Variants in PTN observed in about 807,000 individuals in gnomAD.
The protein encoded by PTN is heparin affin regulatory protein.
A neutral mutation model predicts 24.1 loss-of-function variants in PTN; 18 were observed. That is an observed-to-expected ratio of 0.75 (90% CI 0.52 to 1.11). The LOEUF is 1.11. Ranked by LOEUF, PTN falls within the 50% of genes least tolerant of loss-of-function variation. The pLI, the probability that PTN is intolerant of heterozygous loss-of-function variation, is 0.00. For synonymous variants in PTN, 78 were observed against 68.6 expected, an observed-to-expected ratio of 1.14 and a Z score of -0.67; for missense variants, 163 against 198.8, an observed-to-expected ratio of 0.82 and a Z score of 1.08.
intron 1 of PTN, among the ~76,000 whole-genome samples, chr7:137,300,444 G>C (rs942010800): frequency 1.8e-4 from 28 of 151,964 alleles, no homozygotes; most frequent in African/African-American, 6.5e-4. Flanking sequence ...AAAGATCACA[G>C]CCTGGTGGAA....
chr7:137,331,198 G>A (rs551586789), intron 1 of PTN, among the ~76,000 whole-genome samples: 1 of 152,110 alleles, frequency 6.6e-6, no homozygotes, highest in African/African-American at 2.4e-5. Flanking sequence ...TTTAGGAAAT[G>A]TGGATCTGTC....
Position 137,263,229 on chromosome 7 carries a change from G to A in PTN, c.-1-8255C>T, listed in dbSNP as rs1809075028. ...TACTATTATAACTCTTATTATAAGA[G>A]TTTTAAATTTTCTTAGTGCTGGGAA... On this transcript the variant is annotated intron_variant, in intron 1 of 4. Transcript: ENST00000348225. Among the ~76,000 whole-genome samples, 3 of 152,152 alleles carry A rather than the reference G, an allele frequency of 2.0e-5. No individual in the cohort carries two copies. The South Asian group carries it at 6.2e-4, about 32-fold the overall frequency.
intron 1 of PTN, among the ~76,000 whole-genome samples, chr7:137,274,886 G>A (rs2128874945): frequency 6.6e-6 from 1 of 152,238 alleles, no homozygotes; most frequent in South Asian, 2.1e-4. Context: ...AAAGAGAAAA[G>A]GTTTTGAAGT....
chr7:137,310,390 G>GTTTTTTTTTTTTTTTTTTT (rs36009703), intron 1 of PTN, among the ~76,000 whole-genome samples: 1 of 137,204 alleles, frequency 7.3e-6, no homozygotes, highest in Admixed American at 7.3e-5. Context: ...AAGTTACCAT[G>GTTTTTTTTTTTTTTTTTTT]TTTTTTTTTT....
At chr7:137,307,843 T>TACC (rs1040670842) in intron 1 of PTN, among the ~76,000 whole-genome samples, 5 of 152,150 alleles carry the variant, frequency 3.3e-5, no homozygotes, top group African/African-American at 7.2e-5. Flanking sequence ...AGGCAGAATG[T>TACC]ACCCTTGTAC....
At chr7:137,320,662 G>A (rs1018049569) in intron 1 of PTN, among the ~76,000 whole-genome samples, 5 of 152,050 alleles carry the variant, frequency 3.3e-5, no homozygotes, top group East Asian at 1.9e-4. Flanking sequence ...TTCCAAATAC[G>A]GAATAGAGAA....
At chr7:137,292,521 C>G (rs536795703) in intron 1 of PTN, among the ~76,000 whole-genome samples, 1 of 152,172 alleles carries the variant, frequency 6.6e-6, no homozygotes, top group Admixed American at 6.5e-5. Flanking sequence ...GCTCTTCCTT[C>G]GTCTTCTGCC....
chr7:137,327,661 T>C (rs1810284866), intron 1 of PTN, among the ~76,000 whole-genome samples: 1 of 152,138 alleles, frequency 6.6e-6, no homozygotes. Context: ...TCCTATCCTT[T>C]ATATGCAGCC....
chr7:137,282,729 C>G (rs1001448583), intron 1 of PTN, among the ~76,000 whole-genome samples: 2 of 152,130 alleles, frequency 1.3e-5, no homozygotes, highest in Non-Finnish European at 2.9e-5. Context: ...ATTTAAAAGT[C>G]ATCTTTAGAT....
At chr7:137,258,562 A>G (rs1235507917) in intron 1 of PTN, among the ~76,000 whole-genome samples, 2 of 152,246 alleles carry the variant, frequency 1.3e-5, no homozygotes, top group East Asian at 3.9e-4. Flanking sequence ...AGAGAAAATG[A>G]ATAAAGGTTA....
chr7:137,267,500 G>A (rs1809176585), intron 1 of PTN, among the ~76,000 whole-genome samples: 1 of 152,132 alleles, frequency 6.6e-6, no homozygotes, highest in African/African-American at 2.4e-5. Flanking sequence ...TGAAACAAGG[G>A]ACCTGTCTAG....
chr7:137,322,485 T>C (rs934470884), intron 1 of PTN, among the ~76,000 whole-genome samples: 2 of 152,226 alleles, frequency 1.3e-5, no homozygotes, highest in African/African-American at 4.8e-5. Context: ...AAACTGACCT[T>C]GTTTTAAGAT....
intron 1 of PTN, among the ~76,000 whole-genome samples, chr7:137,325,142 G>A (rs574107308): frequency 1.3e-5 from 2 of 152,230 alleles, no homozygotes; most frequent in East Asian, 3.9e-4. Flanking sequence ...TCTGAATCTG[G>A]AACAACATTA....
At chr7:137,285,229 C>A (rs1416045010) in intron 1 of PTN, among the ~76,000 whole-genome samples, 1 of 152,116 alleles carries the variant, frequency 6.6e-6, no homozygotes, top group African/African-American at 2.4e-5. Flanking sequence ...GAATTCCTAG[C>A]AACTCATGCA....
At chr7:137,291,781 A>G (rs930811177) in intron 1 of PTN, among the ~76,000 whole-genome samples, 1 of 152,138 alleles carries the variant, frequency 6.6e-6, no homozygotes, top group African/African-American at 2.4e-5. Flanking sequence ...TTTCTCCTTC[A>G]TATACTATGA....
At chr7:137,318,398 C>T (rs1231735814) in intron 1 of PTN, among the ~76,000 whole-genome samples, 2 of 152,214 alleles carry the variant, frequency 1.3e-5, no homozygotes, top group Admixed American at 1.3e-4. Flanking sequence ...ATTCCAGAGA[C>T]TTCAGAGCAG....
At chr7:137,233,032 G>A (rs1489419901) in intron 4 of PTN, among the ~76,000 whole-genome samples, 1 of 151,912 alleles carries the variant, frequency 6.6e-6, no homozygotes, top group Non-Finnish European at 1.5e-5. Flanking sequence ...ATAGCAGCAC[G>A]AGAATGGGCT....
At chr7:137,235,855 T>G (rs933372728) in intron 4 of PTN, among the ~76,000 whole-genome samples, 2 of 152,138 alleles carry the variant, frequency 1.3e-5, no homozygotes. Flanking sequence ...TCATTTGCTT[T>G]CTGATATCAA....
intron 1 of PTN, among the ~76,000 whole-genome samples, chr7:137,323,683 A>G (rs1379518021): frequency 6.6e-6 from 1 of 152,234 alleles, no homozygotes; most frequent in Non-Finnish European, 1.5e-5. Context: ...ATAATTGTGT[A>G]GTTATATGCT....
Sources: gnomAD v4.1 joint callset for allele counts (sites outside exome capture counted in the v4.1 genomes callset) on GRCh38, gnomAD v4.1.1 for gene constraint, MANE v1.5 for transcripts, NCBI Gene and HGNC (gene_info 2026-07-23, HGNC 2026-07-21) for gene names.